Variants in PYCARD observed in about 807,000 individuals in gnomAD.
PYCARD encodes apoptosis-associated speck-like protein containing a CARD.
A neutral mutation model predicts 10.0 loss-of-function variants in PYCARD; 10 were observed. That is an observed-to-expected ratio of 1.00 (90% CI 0.62 to 1.69). The LOEUF (loss-of-function observed/expected upper bound fraction) is 1.69, where lower values mean the gene tolerates loss of function less well. Ranked by LOEUF, PYCARD falls within the 40% of genes most tolerant of loss-of-function variation. The pLI, the probability that PYCARD is intolerant of heterozygous loss-of-function variation, is 0.00. For missense variants in PYCARD, 239 were observed against 260.2 expected (o/e 0.92, Z 0.56); for synonymous variants, 121 against 122.3 (o/e 0.99, Z 0.07).
In PYCARD at chr16:31,202,582, C is replaced by G. The variant is rs141037758; in HGVS notation, c.109G>C (p.Gly37Arg). The G allele has an allele frequency of 1.4e-5, 23 of 1,612,994 alleles. No homozygotes were observed. Among genetic ancestry groups the G allele is most frequent in the South Asian group, 2.2e-5 (2 of 91,056 alleles). ...LLSVPLREGY[G>R]RIPRGALLSM... ...AGCAGCGCGCCCCGCGGGATGCGCCCGTAGCCCTCGCGCAGCGGCACCGAC... is the reference window on the plus strand; with the variant it reads ...AGCAGCGCGCCCCGCGGGATGCGCCGGTAGCCCTCGCGCAGCGGCACCGAC... Residue 37 changes from glycine to arginine, a missense_variant, in exon 1 of 3, where the codon GGG (glycine) becomes CGG (arginine). Physicochemically the swap from Gly to Arg is moderately radical, Grantham distance 125. Coordinates refer to ENST00000247470, the MANE Select transcript of PYCARD (RefSeq NM_013258.5). This position sits in a 1 kb window ranked among gnomAD's most constrained non-coding sequence, Gnocchi z 4.5.
rs140177857 is a variant in PYCARD, at chr16:31,201,720, G to A, written c.453C>T (p.Ala151=). 6.8e-6 allele frequency: 11 copies of A among 1,614,078 alleles called. No homozygotes were observed. Among genetic ancestry groups the A allele is most frequent in the Non-Finnish European group, 9.3e-6 (11 of 1,180,046 alleles). ...GCATCTTGCTTGGGTTGGTGGGCTCGGCCCGCACTGCCTGGTACTGCTCAT... is the reference window on the plus strand; with the variant it reads ...GCATCTTGCTTGGGTTGGTGGGCTCAGCCCGCACTGCCTGGTACTGCTCAT... ...LTDEQYQAVR[A]EPTNPSKMRK... The change falls in exon 3 of 3, where the codon GCC becomes GCT. Residue 151 remains alanine, a synonymous_variant. Coordinates refer to ENST00000247470, the MANE Select transcript of PYCARD (RefSeq NM_013258.5).
Position 31,201,502 on chromosome 16 carries a change from G to A in PYCARD, c.*83C>T, listed in dbSNP as rs576547249. 3.0e-4 allele frequency: 463 copies of A among 1,538,668 alleles called. No homozygotes were observed. In the African/African-American group the frequency reaches 6.0e-3, roughly 20 times the overall value. ...ACACACAAGTTCAAGCTGGCTTTTC[G>A]TATATTGTGTATAAAAAGATCAGAT... On this transcript the variant is annotated 3_prime_UTR_variant, in exon 3 of 3. Transcript: ENST00000247470.
At position 31,202,118 on chromosome 16, in the gene PYCARD, T is replaced by C. The variant is rs2079447741; in HGVS notation, c.331+29A>G. On this transcript the variant is annotated intron_variant, in intron 2 of 2. Coordinates refer to ENST00000247470, the MANE Select transcript of PYCARD (RefSeq NM_013258.5). The surrounding 1 kb of genome is among the most constrained non-coding windows in gnomAD (Gnocchi z 4.5). ...AGATGCAGGCTGTGCAGGAGTGCGGTGGGGCCGGGCTGGGTGTGGAGGCCT... is the reference window on the plus strand; with the variant it reads ...AGATGCAGGCTGTGCAGGAGTGCGGCGGGGCCGGGCTGGGTGTGGAGGCCT... The C allele has an allele frequency of 6.2e-7, 1 of 1,600,540 alleles. No homozygotes were observed. Among genetic ancestry groups the C allele is most frequent in the Admixed American group, 1.7e-5 (1 of 59,458 alleles).
In PYCARD at chr16:31,202,565, G is replaced by A. The variant is rs779930671; in HGVS notation, c.126C>T (p.Gly42=). ...CCAAGGCGTCCATGGACAGCAGCGC[G>A]CCCCGCGGGATGCGCCCGTAGCCCT... ...LREGYGRIPR[G]ALLSMDALDL... Residue 42 remains glycine (G), a synonymous_variant, in exon 1 of 3, where the codon GGC becomes GGT. Coordinates refer to ENST00000247470, the MANE Select transcript of PYCARD (RefSeq NM_013258.5). The surrounding 1 kb of genome is among the most constrained non-coding windows in gnomAD (Gnocchi z 4.5). 1.2e-6 allele frequency: 2 copies of A among 1,612,764 alleles called. No individual in the cohort carries two copies. Among genetic ancestry groups the A allele is most frequent in the East Asian group, 2.2e-5 (1 of 44,852 alleles).
chr16:31,201,734 G>A lies in PYCARD; in HGVS notation c.439C>T (p.Gln147Ter), dbSNP rs1302886812. ...YGKVLTDEQY[Q>*]AVRAEPTNPS... ...TTGGTGGGCTCGGCCCGCACTGCCT[G>A]GTACTGCTCATCCGTCAGGACCTTC... The change falls in exon 3 of 3, where the codon CAG (glutamine) becomes TAG (stop). Residue 147 changes from glutamine to a stop codon, truncating the protein, a stop_gained. Coordinates refer to ENST00000247470, the MANE Select transcript of PYCARD (RefSeq NM_013258.5). LOFTEE classifies it low-confidence loss of function (END_TRUNC). The A allele has an allele frequency of 6.2e-7, 1 of 1,614,044 alleles. No individual in the cohort carries two copies. The highest frequency in any genetic ancestry group is 8.5e-7 in the Non-Finnish European group (1 of 1,180,030).
rs776117081 is a variant in PYCARD at position 31,202,618 on chromosome 16, G to C, written c.73C>G (p.Leu25Val). 5.0e-6 allele frequency: 8 copies of C among 1,612,682 alleles called. No individual in the cohort carries two copies. Among genetic ancestry groups the C allele is most frequent in the Non-Finnish European group, 6.8e-6 (8 of 1,179,572 alleles). The change falls in exon 1 of 3, where the codon CTG (leucine) becomes GTG (valine). Residue 25 changes from leucine (L) to valine (V), a missense_variant. Coordinates refer to ENST00000247470, the MANE Select transcript of PYCARD (RefSeq NM_013258.5). The surrounding 1 kb of genome is among the most constrained non-coding windows in gnomAD (Gnocchi z 4.5). ...LTAEELKKFK[L>V]KLLSVPLREG... ...CGCAGCGGCACCGACAGCAGCTTCA[G>C]CTTGAACTTCTTGAGCTCCTCGGCG... is the stretch of plus-strand genomic sequence containing the variant.
chr16:31,202,385 A>T lies in PYCARD; in HGVS notation c.274+32T>A. The T allele has an allele frequency of 6.8e-7, 1 of 1,476,010 alleles. No homozygotes were observed. The highest frequency in any genetic ancestry group is 9.1e-7 in the Non-Finnish European group (1 of 1,097,076). 91.4% of individuals were successfully genotyped at this position (1,476,010 alleles called of 1,614,324 possible). The stretch of plus-strand genomic sequence containing the variant: ...AAGCGCTGGTGTGGGTGGAGGGGAA[A>T]GACGGGGTGGAGGGGAACGGGGGCG... On this transcript the variant is annotated intron_variant, in intron 1 of 2. Transcript: ENST00000247470. The surrounding 1 kb of genome is among the most constrained non-coding windows in gnomAD (Gnocchi z 4.5).
rs1200435998 is a variant in PYCARD at position 31,202,759 on chromosome 16, C to T, written c.-69G>A. 6 of 1,499,178 alleles carry T rather than the reference C, an allele frequency of 4.0e-6. No individual in the cohort carries two copies. The South Asian group carries it at 5.2e-5, about 13-fold the overall frequency. 92.9% of individuals were successfully genotyped at this position (1,499,178 alleles called of 1,614,324 possible). A position where few individuals can be genotyped will look rare whatever the true frequency, so the allele number is the denominator to read the frequency against. On this transcript the variant is annotated 5_prime_UTR_variant, in exon 1 of 3. Coordinates refer to ENST00000247470, the MANE Select transcript of PYCARD (RefSeq NM_013258.5). This position sits in a 1 kb window ranked among gnomAD's most constrained non-coding sequence, Gnocchi z 4.5. ...GCCGCCGACCAGGAGGAAGTCGGCT[C>T]CGGGGCGGAACCTGGACTCCCCGCC...
chr16:31,201,930 C>T (rs2079445601), intron 2 of PYCARD, 89 bp from the exon 3 acceptor site: 6 of 1,563,514 alleles, frequency 3.8e-6, no homozygotes, highest in Middle Eastern at 2.2e-4. Flanking sequence ...CCTCTGCAAG[C>T]CTAGGGGCAG....
chr16:31,201,872 G>A, intron 2 of PYCARD, 31 bp from the exon 3 acceptor site: 2 of 1,609,330 alleles, frequency 1.2e-6, no homozygotes, highest in Middle Eastern at 1.7e-4. Flanking sequence ...TGAGCCAGCA[G>A]CCAGGGTGTG....
At position 31,202,287 on chromosome 16, in the gene PYCARD, G is replaced by C; in HGVS notation, c.275-84C>G. 1 of 1,558,716 alleles carries C rather than the reference G, an allele frequency of 6.4e-7. No individual in the cohort carries two copies. The highest frequency in any genetic ancestry group is 8.6e-7 in the Non-Finnish European group (1 of 1,158,618). On this transcript the variant is annotated intron_variant, in intron 1 of 2. Transcript: ENST00000247470. The surrounding 1 kb of genome is among the most constrained non-coding windows in gnomAD (Gnocchi z 4.5). Reference sequence around the variant, plus strand: ...TCCCGTTGGTCGGTAGGCCAAGCGTGGGGAGCCTCCTTTCCGGTAGAGCAG... The same window carrying C: ...TCCCGTTGGTCGGTAGGCCAAGCGTCGGGAGCCTCCTTTCCGGTAGAGCAG...
Position 31,202,707 on chromosome 16 carries a change from GCCGCTGCCGCCGCTCACC to G in PYCARD, c.-35_-18del. 15 of 1,527,380 alleles carry G rather than the reference GCCGCTGCCGCCGCTCACC, an allele frequency of 9.8e-6. No homozygotes were observed. Among genetic ancestry groups the G allele is most frequent in the Non-Finnish European group, 1.3e-5 (15 of 1,140,002 alleles). 94.6% of individuals were successfully genotyped at this position (1,527,380 alleles called of 1,614,324 possible). On this transcript the variant is annotated 5_prime_UTR_variant, in exon 1 of 3. Transcript: ENST00000247470. The surrounding 1 kb of genome is among the most constrained non-coding windows in gnomAD (Gnocchi z 4.5). ...GCGCCCCATGGCTCCAGGATCCCCG[GCCGCTGCCGCCGCTCACC>G]CCGCTGCAGCCGCCGACCAGGAGGA... is the stretch of plus-strand genomic sequence containing the variant.
chr16:31,202,014 G>A lies in PYCARD; in HGVS notation c.331+133C>T. 1 of 1,451,702 alleles carries A rather than the reference G, an allele frequency of 6.9e-7. No homozygotes were observed. Among genetic ancestry groups the A allele is most frequent in the South Asian group, 1.3e-5 (1 of 75,400 alleles). The allele number at this position is 1,451,702 out of a possible 1,614,324, so 89.9% of individuals were successfully genotyped here. On this transcript the variant is annotated intron_variant, in intron 2 of 2. Coordinates refer to ENST00000247470, the MANE Select transcript of PYCARD (RefSeq NM_013258.5). This position sits in a 1 kb window ranked among gnomAD's most constrained non-coding sequence, Gnocchi z 4.5. ...AATATTGTCTCCCTTCCCCCGCAGG[G>A]TGTGGGTTGGTGGGTGGGGTGCGCA...
rs1223168485 is a variant in PYCARD at position 31,202,477 on chromosome 16, C to T, written c.214G>A (p.Val72Met). ...TCCTGCAGGCCCATGTCGCGCAGCA[C>T]GTTAGCGGTGAGCTCGGCGCCGTAG... The part of the protein sequence containing the change: ...ETYGAELTAN[V>M]LRDMGLQEMA... The change falls in exon 1 of 3, where the codon GTG becomes ATG. Residue 72 changes from valine to methionine, a missense_variant. Coordinates refer to ENST00000247470, the MANE Select transcript of PYCARD (RefSeq NM_013258.5). This position sits in a 1 kb window ranked among gnomAD's most constrained non-coding sequence, Gnocchi z 4.5. The T allele has an allele frequency of 6.3e-7, 1 of 1,586,542 alleles. No homozygotes were observed. Among genetic ancestry groups the T allele is most frequent in the Non-Finnish European group, 8.6e-7 (1 of 1,167,728 alleles).
chr16:31,201,537 T>A lies in PYCARD; in HGVS notation c.*48A>T. ...TATAAAAAGATCAGATTCAGGATGA[T>A]TTGGTGGGATTGCCAGGGGCTGACC... On this transcript the variant is annotated 3_prime_UTR_variant, in exon 3 of 3. Coordinates refer to ENST00000247470, the MANE Select transcript of PYCARD (RefSeq NM_013258.5). 6.3e-7 allele frequency: 1 copy of A among 1,588,898 alleles called. No homozygotes were observed. Among genetic ancestry groups the A allele is most frequent in the Non-Finnish European group, 8.6e-7 (1 of 1,166,340 alleles).
Position 31,202,222 on chromosome 16 carries a change from A to C in PYCARD, c.275-19T>G, listed in dbSNP as rs2079448709. On this transcript the variant is annotated intron_variant, in intron 1 of 2. Transcript: ENST00000247470. The surrounding 1 kb of genome is among the most constrained non-coding windows in gnomAD (Gnocchi z 4.5). ...CCAGAGCCTGGAAGGATATGGGCCA[A>C]GTGATCCCCTTCCCTTCCCTTCCCG... 2 of 1,601,330 alleles carry C rather than the reference A, an allele frequency of 1.2e-6. No homozygotes were observed. Among genetic ancestry groups the C allele is most frequent in the Admixed American group, 1.7e-5 (1 of 59,884 alleles).
At position 31,202,610 on chromosome 16, in the gene PYCARD, C is replaced by T. The variant is rs1274590426; in HGVS notation, c.81G>A (p.Leu27=). 6.2e-7 allele frequency: 1 copy of T among 1,612,660 alleles called. No homozygotes were observed. The highest frequency in any genetic ancestry group is 1.3e-5 in the African/African-American group (1 of 74,926). The change falls in exon 1 of 3, where the codon CTG becomes CTA. Residue 27 remains leucine (L), a synonymous_variant. Coordinates refer to ENST00000247470, the MANE Select transcript of PYCARD (RefSeq NM_013258.5). The surrounding 1 kb of genome is among the most constrained non-coding windows in gnomAD (Gnocchi z 4.5). ...AEELKKFKLK[L]LSVPLREGYG... is the part of the protein sequence containing the mutation. ...AGCCCTCGCGCAGCGGCACCGACAG[C>T]AGCTTCAGCTTGAACTTCTTGAGCT...
chr16:31,202,046 C>T lies in PYCARD; in HGVS notation c.331+101G>A. On this transcript the variant is annotated intron_variant, in intron 2 of 2. Coordinates refer to ENST00000247470, the MANE Select transcript of PYCARD (RefSeq NM_013258.5). The surrounding 1 kb of genome is among the most constrained non-coding windows in gnomAD (Gnocchi z 4.5). ...TTGGTGGGTGGGGTGCGCAGGGTTG[C>T]CAAGCCGTGCCTGCCCTGCCCTGCC... is the stretch of plus-strand genomic sequence containing the variant. The T allele has an allele frequency of 1.3e-6, 2 of 1,492,068 alleles. No individual in the cohort carries two copies. The allele number at this position is 1,492,068 out of a possible 1,614,324, so 92.4% of individuals were successfully genotyped here.
rs537903191 is a variant in PYCARD at position 31,202,252 on chromosome 16, G to C, written c.275-49C>G. ...TCCCCTTCCCTTCCCTTCCCGCCGT[G>C]GGGCCGGGGTCCCGTTGGTCGGTAG... On this transcript the variant is annotated intron_variant, in intron 1 of 2. Transcript: ENST00000247470. This position sits in a 1 kb window ranked among gnomAD's most constrained non-coding sequence, Gnocchi z 4.5. The C allele has an allele frequency of 1.7e-4, 263 of 1,590,616 alleles. No individual in the cohort carries two copies. The highest frequency in any genetic ancestry group is 2.4e-4 in the Admixed American group (14 of 58,436).
Sources: gnomAD v4.1 joint callset for allele counts on GRCh38, gnomAD v4.1.1 for gene constraint, Gnocchi (gnomAD v3.1) non-coding constraint, MANE v1.5 for transcripts, NCBI Gene and HGNC (gene_info 2026-07-23, HGNC 2026-07-21) for gene names.